The following FRMD6 variants were observed in gnomAD, a reference collection of about 807,000 sequenced individuals.
The protein encoded by FRMD6 is FERM domain containing 6, also known as FERM domain-containing protein 6.
In FRMD6, 37 loss-of-function variants were observed where a neutral mutation model predicts 73.2. The observed-to-expected ratio is 0.51, with a 90% CI of 0.39 to 0.66. The LOEUF is 0.66. Ranked by LOEUF, FRMD6 falls within the 30% of genes least tolerant of loss-of-function variation. The probability of loss-of-function intolerance (pLI) is 0.00; values close to 1 mark genes in which losing one functional copy is unlikely to be tolerated. For synonymous variants in FRMD6, 273 were observed against 282.2 expected, an observed-to-expected ratio of 0.97 and a Z score of 0.33; for missense variants, 714 against 780.5, an observed-to-expected ratio of 0.91 and a Z score of 1.02.
chr14:51,605,705 A>G (rs1021041922), intron 2 of FRMD6, among the ~76,000 whole-genome samples: 1 of 152,294 alleles, frequency 6.6e-6, no homozygotes, highest in Non-Finnish European at 1.5e-5. Flanking sequence ...GATCTGGAAT[A>G]TGACTCTTTC....
the FRMD6 span, among the ~76,000 whole-genome samples, chr14:51,467,550 AGGCGCCCCCAACCTCCCGGACGGGGC>A: frequency 1.3e-5 from 2 of 152,096 alleles, no homozygotes; most frequent in South Asian, 4.1e-4. Context: ...GGCCGGGCAG[AGGCGCCCCCAACCTCCCGGACGGGGC>A]GGCTGCCGGG....
intron 1 of FRMD6, among the ~76,000 whole-genome samples, chr14:51,654,580 GT>G (rs1203391410): frequency 0.011 from 1,612 of 141,170 alleles, 25 homozygotes; most frequent in African/African-American, 0.036. Context: ...AAAGTTGTGG[GT>G]TTTTTTTTTT....
intron 1 of FRMD6, among the ~76,000 whole-genome samples, chr14:51,684,610 T>A (rs1468756673): frequency 6.6e-6 from 1 of 152,132 alleles, no homozygotes. Flanking sequence ...GAGAACATTC[T>A]GGAATGTCTG....
chr14:51,584,754 A>G (rs926658757), intron 2 of FRMD6, among the ~76,000 whole-genome samples: 4 of 152,180 alleles, frequency 2.6e-5, no homozygotes, highest in African/African-American at 9.6e-5. Context: ...TTTCGCTGCC[A>G]ATCAGCTTCA....
intron 2 of FRMD6, among the ~76,000 whole-genome samples, chr14:51,639,058 T>C (rs75146150): frequency 1.9e-5 from 2 of 103,982 alleles, no homozygotes; most frequent in East Asian, 3.9e-4. Flanking sequence ...AGTGTCAGGA[T>C]TTTTTTTTTT....
chr14:51,534,886 A>G (rs2140345696), intron 1 of FRMD6, among the ~76,000 whole-genome samples: 1 of 152,358 alleles, frequency 6.6e-6, no homozygotes, highest in South Asian at 2.1e-4. Flanking sequence ...AGTATGTGCC[A>G]GGTACTCTCC....
Position 51,624,083 on chromosome 14 carries a change from A to G in FRMD6, c.-147+53673A>G, listed in dbSNP as rs149255234. On this transcript the variant is annotated intron_variant, in intron 2 of 14. Transcript: ENST00000356218. ...CAAATACCGCATGTTCTCACTTACA[A>G]TTGGGAGATAAATAATGAGAACACA... is the stretch of plus-strand genomic sequence containing the variant. Among the ~76,000 whole-genome samples, 311 of 150,948 alleles carry G rather than the reference A, an allele frequency of 2.1e-3. 4 individuals are homozygous for G. Among genetic ancestry groups the G allele is most frequent in the African/African-American group, 7.0e-3 (286 of 40,944 alleles).
chr14:51,499,134 A>T (rs915859503), intron 1 of FRMD6, among the ~76,000 whole-genome samples: 6 of 152,156 alleles, frequency 3.9e-5, no homozygotes, highest in African/African-American at 1.4e-4. Context: ...ACCTCACAGG[A>T]TCCCTTGCAA....
intron 1 of FRMD6, among the ~76,000 whole-genome samples, chr14:51,503,863 TTG>T (rs1013462670): frequency 4.7e-5 from 7 of 149,150 alleles, no homozygotes; most frequent in African/African-American, 7.4e-5. Context: ...GGGTTTTTTT[TTG>T]GGGGGGGGTT....
chr14:51,537,662 C>T (rs1885973516), intron 1 of FRMD6, among the ~76,000 whole-genome samples: 1 of 152,198 alleles, frequency 6.6e-6, no homozygotes, highest in African/African-American at 2.4e-5. Flanking sequence ...CACAACCTCA[C>T]CAGCATTTGG....
intron 6 of FRMD6, among the ~76,000 whole-genome samples, chr14:51,706,855 A>G (rs865910454): frequency 6.6e-6 from 1 of 152,146 alleles, no homozygotes; most frequent in Non-Finnish European, 1.5e-5. Context: ...ATATTGAGGT[A>G]CTCAGTAATT....
chr14:51,469,627 A>G, the FRMD6 span, among the ~76,000 whole-genome samples: 1 of 151,414 alleles, frequency 6.6e-6, no homozygotes, highest in Admixed American at 6.6e-5. Flanking sequence ...AGAAAAAAAA[A>G]AAAAAAAAAA....
intron 13 of FRMD6, among the ~76,000 whole-genome samples, chr14:51,727,093 CG>C (rs1467135557): frequency 6.6e-6 from 1 of 152,028 alleles, no homozygotes; most frequent in Non-Finnish European, 1.5e-5. Flanking sequence ...GACTCGTGTT[CG>C]GGAACTTAGT....
At chr14:51,519,045 C>T (rs1035668495) in intron 1 of FRMD6, among the ~76,000 whole-genome samples, 2 of 152,224 alleles carry the variant, frequency 1.3e-5, no homozygotes, top group Non-Finnish European at 2.9e-5. Flanking sequence ...AAGATGCTCA[C>T]TGTTTCACTA....
At chr14:51,455,816 G>A in the FRMD6 span, among the ~76,000 whole-genome samples, 1 of 152,192 alleles carries the variant, frequency 6.6e-6, no homozygotes, top group Non-Finnish European at 1.5e-5. Flanking sequence ...TAAGGGAATT[G>A]GAACTCTCCA....
the FRMD6 span, among the ~76,000 whole-genome samples, chr14:51,417,480 C>A: frequency 6.6e-6 from 1 of 152,136 alleles, no homozygotes; most frequent in Admixed American, 6.5e-5. Context: ...AATATTGGCC[C>A]CCACTCTCTT....
At chr14:51,428,994 TGG>T in the FRMD6 span, among the ~76,000 whole-genome samples, 6 of 41,180 alleles carry the variant, frequency 1.5e-4, no homozygotes, top group Admixed American at 3.6e-4. Context: ...AGAGAGAGGG[TGG>T]GAGAGAGAGG....
chr14:51,410,367 T>A, the FRMD6 span, among the ~76,000 whole-genome samples: 1 of 152,196 alleles, frequency 6.6e-6, no homozygotes, highest in Non-Finnish European at 1.5e-5. Context: ...AGGAGGCTCA[T>A]TTTTCTGTCA....
intron 1 of FRMD6, among the ~76,000 whole-genome samples, chr14:51,524,122 T>A (rs1024560115): frequency 6.6e-6 from 1 of 152,194 alleles, no homozygotes; most frequent in East Asian, 1.9e-4. Flanking sequence ...TACACATAGA[T>A]GCATGTGATT....
Sources: allele counts gnomAD v4.1 joint callset (sites outside exome capture counted in the v4.1 genomes callset), GRCh38; gene constraint gnomAD v4.1.1; transcripts MANE v1.5; gene names NCBI Gene and HGNC (gene_info 2026-07-23, HGNC 2026-07-21).